SDK1: variants seen among roughly 807,000 people sequenced by gnomAD.
SDK1 encodes sidekick cell adhesion molecule 1.
A neutral mutation model predicts 245.5 loss-of-function variants in SDK1; 157 were observed. The ratio of observed to expected loss-of-function variants is 0.64; its 90% confidence interval spans 0.56 to 0.73. The LOEUF (loss-of-function observed/expected upper bound fraction) is 0.73, where lower values mean the gene tolerates loss of function less well. Among genes scored for constraint, SDK1 ranks in the 30% least tolerant of loss-of-function variants. The pLI, the probability that SDK1 is intolerant of heterozygous loss-of-function variation, is 0.00. For synonymous variants in SDK1, 1,647 were observed against 1,278.5 expected (o/e 1.29, Z -6.15); for missense variants, 3,583 against 3,002.3 (o/e 1.19, Z -4.52).
intron 5 of SDK1, among the ~76,000 whole-genome samples, chr7:3,937,910 T>C (rs1046002565): frequency 2.6e-5 from 4 of 152,142 alleles, no homozygotes; most frequent in African/African-American, 9.7e-5. Flanking sequence ...TAATCTCGGC[T>C]CACTGCAACC....
At chr7:3,563,747 T>C (rs906688989) in intron 1 of SDK1, among the ~76,000 whole-genome samples, 1 of 152,190 alleles carries the variant, frequency 6.6e-6, no homozygotes, top group African/African-American at 2.4e-5. Context: ...AGACAATGTG[T>C]ATTTTTTAAG....
At chr7:3,947,369 GATTA>G (rs1377089281) in intron 5 of SDK1, among the ~76,000 whole-genome samples, 2 of 152,054 alleles carry the variant, frequency 1.3e-5, no homozygotes, top group African/African-American at 2.4e-5. Context: ...TTAGACTATG[GATTA>G]ATTCTAAAGT....
At chr7:4,127,835 T>G (rs566643145) in intron 26 of SDK1, among the ~76,000 whole-genome samples, 1 of 152,218 alleles carries the variant, frequency 6.6e-6, no homozygotes, top group Admixed American at 6.5e-5. Context: ...GTCTCCCCGC[T>G]TGTAAAACGG....
chr7:3,729,132 A>G (rs1054281545), intron 4 of SDK1, among the ~76,000 whole-genome samples: 13 of 152,136 alleles, frequency 8.5e-5, no homozygotes, highest in African/African-American at 1.7e-4. Flanking sequence ...TTATTTTACC[A>G]TGGCATCAAA....
chr7:3,660,238 C>A (rs1425376522), intron 4 of SDK1, among the ~76,000 whole-genome samples: 1 of 151,750 alleles, frequency 6.6e-6, no homozygotes, highest in African/African-American at 2.4e-5. Flanking sequence ...ATAAGACACC[C>A]ATGAAAATAT....
intron 28 of SDK1, among the ~76,000 whole-genome samples, chr7:4,142,413 C>T (rs1383607963): frequency 1.3e-5 from 2 of 152,082 alleles, no homozygotes; most frequent in Non-Finnish European, 2.9e-5. Flanking sequence ...ACCGCAGCCT[C>T]CGCCTCCCGG....
chr7:3,388,015 G>C (rs1424862870), intron 1 of SDK1, among the ~76,000 whole-genome samples: 1 of 152,178 alleles, frequency 6.6e-6, no homozygotes, highest in Non-Finnish European at 1.5e-5. Flanking sequence ...CAACCACTAT[G>C]TTAATACAAA....
intron 1 of SDK1, among the ~76,000 whole-genome samples, chr7:3,341,305 C>A (rs559370155): frequency 4.6e-5 from 7 of 152,258 alleles, no homozygotes; most frequent in African/African-American, 1.7e-4. Context: ...CAAAATCCAA[C>A]ATTCATTCAT....
chr7:4,194,320 GTATGCACGTATGTGTATACATGTATA>G lies in SDK1; in HGVS notation c.5099-11558_5099-11533del, dbSNP rs1783429406. Among the ~76,000 whole-genome samples the G allele has an allele frequency of 2.5e-5, 3 of 119,854 alleles. No homozygotes were observed. The East Asian group carries it at 6.1e-4, about 25-fold the overall frequency. 78.6% of individuals were successfully genotyped at this position (119,854 alleles called of 152,430 possible). A position where few individuals can be genotyped will look rare whatever the true frequency, so the allele number is the denominator to read the frequency against. On this transcript the variant is annotated intron_variant, in intron 35 of 44. Coordinates refer to ENST00000404826, the MANE Select transcript of SDK1 (RefSeq NM_152744.4). ...TATGTGTATACATGTATACATATAT[GTATGCACGTATGTGTATACATGTATA>G]GATATATGTATGCACGTATGTGTAT...
At chr7:3,999,260 T>C (rs1381400138) in intron 14 of SDK1, among the ~76,000 whole-genome samples, 1 of 152,144 alleles carries the variant, frequency 6.6e-6, no homozygotes, top group Non-Finnish European at 1.5e-5. Flanking sequence ...CAGAGCACAG[T>C]CAGTTCACGC....
chr7:3,843,647 C>G (rs1780210301), intron 5 of SDK1, among the ~76,000 whole-genome samples: 1 of 152,146 alleles, frequency 6.6e-6, no homozygotes, highest in African/African-American at 2.4e-5. Flanking sequence ...CATTGTTACA[C>G]AAAAGGGCCT....
intron 1 of SDK1, among the ~76,000 whole-genome samples, chr7:3,458,163 C>T (rs1780726301): frequency 6.6e-6 from 1 of 150,812 alleles, no homozygotes; most frequent in Middle Eastern, 3.4e-3. Context: ...GTTGATGTGG[C>T]ATGGTGGCCT....
chr7:4,106,784 C>T (rs561508745), intron 22 of SDK1, among the ~76,000 whole-genome samples: 3 of 152,198 alleles, frequency 2.0e-5, no homozygotes, highest in Non-Finnish European at 2.9e-5. Flanking sequence ...GGTTCTCTTT[C>T]GTTCCTCTTG....
At chr7:3,351,762 C>G (rs910519881) in intron 1 of SDK1, among the ~76,000 whole-genome samples, 29 of 152,134 alleles carry the variant, frequency 1.9e-4, no homozygotes, top group South Asian at 2.1e-4. Flanking sequence ...TATACAGAAA[C>G]AAGAAAAATA....
chr7:3,975,790 T>C (rs1651371228), intron 13 of SDK1, among the ~76,000 whole-genome samples: 1 of 152,244 alleles, frequency 6.6e-6, no homozygotes, highest in African/African-American at 2.4e-5. Context: ...TTGTTCTCTT[T>C]AGATAGCAGA....
At chr7:3,351,401 G>T (rs575658343) in intron 1 of SDK1, among the ~76,000 whole-genome samples, 1 of 152,036 alleles carries the variant, frequency 6.6e-6, no homozygotes. Context: ...ACAGTATAGA[G>T]GAGGCAGGAA....
intron 1 of SDK1, among the ~76,000 whole-genome samples, chr7:3,608,636 T>C (rs1260540995): frequency 6.6e-6 from 1 of 152,216 alleles, no homozygotes; most frequent in Non-Finnish European, 1.5e-5. Context: ...TTTTTTACAT[T>C]GTATAATGAA....
chr7:3,791,203 G>T (rs73032382), intron 4 of SDK1, among the ~76,000 whole-genome samples: 2,371 of 152,214 alleles, frequency 0.016, 30 homozygotes, highest in Non-Finnish European at 0.025. Flanking sequence ...GGCTGAGATG[G>T]CAGACAAAAC....
chr7:3,939,734 A>C (rs1780287609), intron 5 of SDK1, among the ~76,000 whole-genome samples: 2 of 152,230 alleles, frequency 1.3e-5, no homozygotes, highest in Admixed American at 1.3e-4. Context: ...GCAGAGCCAC[A>C]GCCTGAGCTA....
Sources: gnomAD v4.1 joint callset for allele counts (sites outside exome capture counted in the v4.1 genomes callset) on GRCh38, gnomAD v4.1.1 for gene constraint, MANE v1.5 for transcripts, NCBI Gene and HGNC (gene_info 2026-07-23, HGNC 2026-07-21) for gene names.